Variants in PRRC2B observed in about 807,000 individuals in gnomAD.
The protein encoded by PRRC2B is protein PRRC2B.
A neutral mutation model predicts 242.3 loss-of-function variants in PRRC2B; 68 were observed. The ratio of observed to expected loss-of-function variants is 0.28; its 90% CI spans 0.23 to 0.34. PRRC2B has a LOEUF of 0.34. Ranked by LOEUF, PRRC2B falls within the 10% of genes least tolerant of loss-of-function variation. The pLI is 1.00. For missense variants in PRRC2B, 2,835 were observed against 2,954.8 expected (o/e 0.96, Z 0.94); for synonymous variants, 1,228 against 1,173.6 (o/e 1.05, Z -0.95).
chr9:131,474,724 G>A lies in PRRC2B; in HGVS notation c.2595G>A (p.Lys865=). The change falls in exon 16 of 32, where the codon AAG becomes AAA. Residue 865 remains lysine, a synonymous_variant. Coordinates refer to ENST00000683519, the MANE Select transcript of PRRC2B (RefSeq NM_013318.4). ...CTGACTTTGTCCCAGATGAGAAAAA[G>A]CCAGAGTGTGGCAGTTGGGATGTTA... ...LEPDFVPDEK[K]PECGSWDVSH... is the part of the protein sequence containing the mutation. 6.2e-7 allele frequency: 1 copy of A among 1,612,420 alleles called. No homozygotes were observed. Among genetic ancestry groups the A allele is most frequent in the Non-Finnish European group, 8.5e-7 (1 of 1,179,340 alleles).
chr9:131,463,591 C>T (rs531245008), intron 11 of PRRC2B, among the ~76,000 whole-genome samples: 5 of 149,530 alleles, frequency 3.3e-5, no homozygotes, highest in South Asian at 2.1e-4. Flanking sequence ...AACTCAGAAA[C>T]GGATAAAGAA....
Position 131,459,226 on chromosome 9 carries a change from C to G in PRRC2B, c.1274C>G (p.Ala425Gly). The change falls in exon 11 of 32, where the codon GCT (alanine) becomes GGT (glycine). Residue 425 changes from alanine (A) to glycine (G), a missense_variant. Ala to Gly is a moderately conservative substitution (Grantham distance 60). Around this residue, in one of 7 missense-constraint regions of PRRC2B, gnomAD observed 626 missense variants for 685.5 expected, o/e 0.91. Coordinates refer to ENST00000683519, the MANE Select transcript of PRRC2B (RefSeq NM_013318.4). Reference protein sequence around the residue: ...LSMSSADSADAKRTREEGKDW... With the variant: ...LSMSSADSADGKRTREEGKDW... ...ATGAGCTCTGCAGACAGTGCGGACG[C>G]TAAGCGGACTCGAGAGGAAGGGAAG... 1 of 1,613,974 alleles carries G rather than the reference C, an allele frequency of 6.2e-7. No individual in the cohort carries two copies. Among genetic ancestry groups the G allele is most frequent in the Non-Finnish European group, 8.5e-7 (1 of 1,179,876 alleles).
intron 1 of PRRC2B, among the ~76,000 whole-genome samples, chr9:131,425,944 G>C (rs1228701884): frequency 6.6e-6 from 1 of 151,784 alleles, no homozygotes; most frequent in African/African-American, 2.4e-5. Context: ...AGGAGGCAGA[G>C]GTTGCAGTGA....
Position 131,428,181 on chromosome 9 carries a change from A to G in PRRC2B, c.-51-1913A>G, listed in dbSNP as rs547145450. 4.6e-5 allele frequency among the ~76,000 whole-genome samples: 7 copies of G among 151,996 alleles called. No individual in the cohort carries two copies. In the East Asian group the frequency reaches 1.2e-3, roughly 25 times the overall value. ...GTGATCCACCCACCTCGGCCTCCCA[A>G]AGTGTTGGGATTATAGGCGTGAGCC... is the stretch of plus-strand genomic sequence containing the variant. On this transcript the variant is annotated intron_variant, in intron 1 of 31. Coordinates refer to ENST00000683519, the MANE Select transcript of PRRC2B (RefSeq NM_013318.4).
At chr9:131,493,234 T>A (rs1212786134) in intron 30 of PRRC2B, among the ~76,000 whole-genome samples, 2 of 152,244 alleles carry the variant, frequency 1.3e-5, no homozygotes, top group Non-Finnish European at 1.5e-5. Context: ...TTTTGTAGAT[T>A]TTCCTCCCAT....
At position 131,495,690 on chromosome 9, in the gene PRRC2B, C is replaced by CA. The variant is rs771356959; in HGVS notation, c.6556-49dup. On this transcript the variant is annotated intron_variant, in intron 31 of 31. Coordinates refer to ENST00000683519, the MANE Select transcript of PRRC2B (RefSeq NM_013318.4). ...GAGTGGTGGGAACTATGTATCCAAA[C>CA]ACGTTTCAGCGTCAGGGTCACTTTG... is the stretch of plus-strand genomic sequence containing the variant. 2.5e-6 allele frequency: 4 copies of CA among 1,580,260 alleles called. No individual in the cohort carries two copies. In the South Asian group the frequency reaches 3.3e-5, roughly 13 times the overall value.
rs1174452156 is a variant in PRRC2B, at chr9:131,487,371, A to C, written c.5984+77A>C. The C allele has an allele frequency of 1.8e-6, 2 of 1,101,742 alleles. No homozygotes were observed. The highest frequency in any genetic ancestry group is 8.9e-5 in the East Asian group (2 of 22,564). 68.2% of individuals were successfully genotyped at this position (1,101,742 alleles called of 1,614,324 possible). On this transcript the variant is annotated intron_variant, in intron 27 of 31. Transcript: ENST00000683519. This position sits in a 1 kb window ranked among gnomAD's most constrained non-coding sequence, Gnocchi z 5.3. ...GCCCTGTGTGCAGCCTTCGTCCTGC[A>C]GCTGTTTGGTGCTTGTCTGCTTTGG... is the stretch of plus-strand genomic sequence containing the variant.
At chr9:131,394,938 C>T (rs1247077790) in intron 1 of PRRC2B, among the ~76,000 whole-genome samples, 2 of 143,256 alleles carry the variant, frequency 1.4e-5, no homozygotes, top group African/African-American at 5.2e-5. Flanking sequence ...AGGATGTCGC[C>T]ACTCGGGGCC....
chr9:131,432,889 A>C, intron 3 of PRRC2B, 95 bp downstream of exon 3: 1 of 1,263,900 alleles, frequency 7.9e-7, no homozygotes, highest in Non-Finnish European at 1.1e-6. Flanking sequence ...CCCTTTGGCT[A>C]CTGCAGCGCT....
intron 1 of PRRC2B, among the ~76,000 whole-genome samples, chr9:131,394,697 CG>C (rs1326954399): frequency 2.6e-5 from 4 of 151,712 alleles, no homozygotes; most frequent in Admixed American, 2.0e-4. Flanking sequence ...GCCCAATTGA[CG>C]GAGCAGCGCG....
At chr9:131,381,242 T>C (rs1227809454) in intron 1 of PRRC2B, among the ~76,000 whole-genome samples, 1 of 152,186 alleles carries the variant, frequency 6.6e-6, no homozygotes, top group Non-Finnish European at 1.5e-5. Flanking sequence ...AATGCTGCCA[T>C]GGGCACAGAA....
chr9:131,397,384 G>T (rs948937540), intron 1 of PRRC2B, among the ~76,000 whole-genome samples: 13 of 152,206 alleles, frequency 8.5e-5, no homozygotes, highest in African/African-American at 3.1e-4. Flanking sequence ...GAAACCTCGG[G>T]AGAGTGGAAT....
chr9:131,425,857 A>G (rs1392009335), intron 1 of PRRC2B, among the ~76,000 whole-genome samples: 2 of 151,350 alleles, frequency 1.3e-5, no homozygotes, highest in Non-Finnish European at 2.9e-5. Context: ...ATTAAATGAC[A>G]TTTTAGCTGG....
rs1484098270 is a variant in PRRC2B at position 131,430,108 on chromosome 9, C to T, written c.-37C>T. The T allele has an allele frequency of 1.2e-5, 15 of 1,233,106 alleles. No homozygotes were observed. The highest frequency in any genetic ancestry group is 5.0e-5 in the East Asian group (2 of 40,102). 76.4% of individuals were successfully genotyped at this position (1,233,106 alleles called of 1,614,324 possible). A position where few individuals can be genotyped will look rare whatever the true frequency, so the allele number is the denominator to read the frequency against. On this transcript the variant is annotated 5_prime_UTR_variant, in exon 2 of 32. Transcript: ENST00000683519. ...TTCAAAGGCAGATCGGGAGCGGTGC[C>T]GAGAAAAATTTCCTTACTAGATGAC...
At position 131,475,656 on chromosome 9, in the gene PRRC2B, A is replaced by T. The variant is rs201856808; in HGVS notation, c.3527A>T (p.Asp1176Val). The T allele has an allele frequency of 7.4e-6, 12 of 1,611,214 alleles. No homozygotes were observed. In the Admixed American group the frequency reaches 2.0e-4, roughly 27 times the overall value. ...ESTLKKGDCRDSWRSNKGCSE... is the reference protein window; with the variant it reads ...ESTLKKGDCRVSWRSNKGCSE... ...ACCTTGAAGAAGGGCGACTGCAGAG[A>T]TTCTTGGCGGTCCAACAAGGGGTGC... Residue 1176 changes from aspartate (D) to valine (V), a missense_variant, in exon 16 of 32, where the codon GAT (aspartate) becomes GTT (valine). By Grantham distance (152) the Asp-to-Val change is radical (BLOSUM62 -3). Around this residue, in one of 7 missense-constraint regions of PRRC2B, gnomAD observed 1,536 missense variants for 1,483.1 expected, o/e 1.04. Coordinates refer to ENST00000683519, the MANE Select transcript of PRRC2B (RefSeq NM_013318.4).
intron 2 of PRRC2B, among the ~76,000 whole-genome samples, chr9:131,431,408 G>T (rs188332973): frequency 1.7e-3 from 261 of 152,066 alleles, no homozygotes; most frequent in African/African-American, 6.1e-3. Context: ...GGGATTACAG[G>T]CGTGAGCCAC....
chr9:131,496,143 G>A lies in PRRC2B; in HGVS notation c.*269G>A, dbSNP rs954643160. 4 of 414,138 alleles carry A rather than the reference G, an allele frequency of 9.7e-6. No individual in the cohort carries two copies. Among genetic ancestry groups the A allele is most frequent in the African/African-American group, 4.0e-5 (2 of 50,370 alleles). 25.7% of individuals were successfully genotyped at this position (414,138 alleles called of 1,614,324 possible). A position where few individuals can be genotyped will look rare whatever the true frequency, so the allele number is the denominator to read the frequency against. ...GCTCCTACCGTGACTGTGGAGTGAC[G>A]CCTCCTGTGCAGTGCAGATTTGCCC... On this transcript the variant is annotated 3_prime_UTR_variant, in exon 32 of 32. Transcript: ENST00000683519.
In PRRC2B at chr9:131,464,603, C is replaced by T. The variant is rs537320388; in HGVS notation, c.1405-160C>T. ...AACCACATTTCACATACAGCAGAGG[C>T]CAGAGCAGGATTCGAACCCAGCTCT... On this transcript the variant is annotated intron_variant, in intron 11 of 31. Transcript: ENST00000683519. Among the ~76,000 whole-genome samples the T allele has an allele frequency of 4.6e-5, 7 of 152,292 alleles. No individual in the cohort carries two copies. The East Asian group carries it at 1.3e-3, about 29-fold the overall frequency.
rs369574110 is a variant in PRRC2B, at chr9:131,481,805, G to A, written c.4980G>A (p.Ala1660=). ...TCAGCAGCACCGAGACTGGCTCTGC[G>A]GAGGTGAGTGTGGCCGCTGCCCACA... ...TAFSSTETGS[A]EQGFKSSQGD... is the part of the protein sequence containing the mutation. Residue 1660 remains alanine, a synonymous_variant, in exon 20 of 32, where the codon GCG becomes GCA. Coordinates refer to ENST00000683519, the MANE Select transcript of PRRC2B (RefSeq NM_013318.4). 2.5e-5 allele frequency: 39 copies of A among 1,555,606 alleles called. No individual in the cohort carries two copies. Among genetic ancestry groups the A allele is most frequent in the Middle Eastern group, 3.3e-4 (2 of 6,030 alleles).
Sources: gnomAD v4.1 joint callset for allele counts (sites outside exome capture counted in the v4.1 genomes callset) on GRCh38, gnomAD v4.1.1 for gene constraint, gnomAD v4.1.1 regional missense constraint, Gnocchi (gnomAD v3.1) non-coding constraint, MANE v1.5 for transcripts, NCBI Gene and HGNC (gene_info 2026-07-23, HGNC 2026-07-21) for gene names.